The following CFAP418 variants were observed in gnomAD, a reference collection of about 807,000 sequenced individuals.
CFAP418 encodes cilia and flagella associated protein 418, also known as cilia- and flagella-associated protein 418.
CFAP418 carries 27 observed loss-of-function variants against 24.7 expected under a neutral mutation model. That is an observed-to-expected ratio of 1.09 (90% CI 0.81 to 1.51). The LOEUF is 1.51. Ranked by LOEUF, CFAP418 falls within the 40% of genes most tolerant of loss-of-function variation. The probability of loss-of-function intolerance (pLI) is 0.00; values close to 1 mark genes in which losing one functional copy is unlikely to be tolerated. For missense variants in CFAP418, 257 were observed against 255.2 expected, an observed-to-expected ratio of 1.01 and a Z score of -0.05; for synonymous variants, 74 against 87.3, an observed-to-expected ratio of 0.85 and a Z score of 0.85.
chr8:95,251,942 T>C (rs1563470611), intron 5 of CFAP418, among the ~76,000 whole-genome samples: 1 of 152,158 alleles, frequency 6.6e-6, no homozygotes, highest in Non-Finnish European at 1.5e-5. Flanking sequence ...TGCAGTATAA[T>C]ATTACAAAGG....
At position 95,247,747 on chromosome 8, in the gene CFAP418, T is replaced by C. The variant is rs1050374683; in HGVS notation, c.494A>G (p.Lys165Arg). 5.0e-6 allele frequency: 8 copies of C among 1,612,398 alleles called. No homozygotes were observed. Among genetic ancestry groups the C allele is most frequent in the Non-Finnish European group, 6.8e-6 (8 of 1,178,858 alleles). ...CTTCTTTATCAACTTTGCTTTTAAT[T>C]TGTGAAATTCTGGCATGTTGTTCCT... ...FFRNNMPEFH[K>R]LKAKLIKKKG... The change falls in exon 6 of 6, where the codon AAA (lysine) becomes AGA (arginine). Residue 165 changes from lysine to arginine, a missense_variant. Lys to Arg is a conservative substitution (Grantham distance 26, BLOSUM62 2). Coordinates refer to ENST00000286688, the MANE Select transcript of CFAP418 (RefSeq NM_177965.4).
chr8:95,265,085 C>A (rs900314762), intron 1 of CFAP418, among the ~76,000 whole-genome samples: 5 of 152,110 alleles, frequency 3.3e-5, no homozygotes, highest in African/African-American at 1.2e-4. Flanking sequence ...GTTTCTCAGC[C>A]TTGGAATTAT....
chr8:95,252,815 G>A (rs1811729352), intron 4 of CFAP418, among the ~76,000 whole-genome samples: 1 of 152,218 alleles, frequency 6.6e-6, no homozygotes, highest in Non-Finnish European at 1.5e-5. Flanking sequence ...AGTCTGGTAT[G>A]TGCTAATGAG....
intron 4 of CFAP418, among the ~76,000 whole-genome samples, chr8:95,259,614 C>G (rs1018019816): frequency 6.6e-6 from 1 of 152,012 alleles, no homozygotes; most frequent in Non-Finnish European, 1.5e-5. Flanking sequence ...CCAGGCATTT[C>G]AAGTGGGGCT....
intron 1 of CFAP418, among the ~76,000 whole-genome samples, chr8:95,265,443 G>A (rs994050523): frequency 6.6e-6 from 1 of 151,960 alleles, no homozygotes; most frequent in Non-Finnish European, 1.5e-5. Flanking sequence ...CTCTTCTCTC[G>A]AAGGTTTCCA....
At chr8:95,256,593 C>T (rs1381400848) in intron 4 of CFAP418, among the ~76,000 whole-genome samples, 3 of 152,224 alleles carry the variant, frequency 2.0e-5, no homozygotes, top group African/African-American at 7.2e-5. Flanking sequence ...GTCATCAGAG[C>T]CCTTCCATTT....
chr8:95,266,793 AT>A (rs1563475305), intron 1 of CFAP418, among the ~76,000 whole-genome samples: 1 of 152,254 alleles, frequency 6.6e-6, no homozygotes, highest in Non-Finnish European at 1.5e-5. Flanking sequence ...TACTAAAAAA[AT>A]CTAATGTATT....
At chr8:95,250,770 C>T (rs771484895) in intron 5 of CFAP418, among the ~76,000 whole-genome samples, 2 of 152,110 alleles carry the variant, frequency 1.3e-5, no homozygotes, top group Non-Finnish European at 2.9e-5. Context: ...TAAAATTTTT[C>T]AAGTTATAAT....
chr8:95,255,706 G>T (rs1263355372), intron 4 of CFAP418, among the ~76,000 whole-genome samples: 3 of 152,172 alleles, frequency 2.0e-5, no homozygotes, highest in Admixed American at 6.5e-5. Flanking sequence ...TGTGTTTGAT[G>T]AATTTAACAC....
chr8:95,257,317 A>G (rs1021035835), intron 4 of CFAP418, among the ~76,000 whole-genome samples: 1 of 152,214 alleles, frequency 6.6e-6, no homozygotes, highest in African/African-American at 2.4e-5. Flanking sequence ...TGGTGATTCA[A>G]TTACTATTAA....
intron 2 of CFAP418, among the ~76,000 whole-genome samples, chr8:95,262,015 G>T (rs1015183588): frequency 1.6e-4 from 25 of 152,354 alleles, no homozygotes; most frequent in African/African-American, 6.0e-4. Context: ...CAGGGTACAG[G>T]TGACCCTTGA....
At chr8:95,265,870 GT>G (rs1811970079) in intron 1 of CFAP418, among the ~76,000 whole-genome samples, 1 of 152,146 alleles carries the variant, frequency 6.6e-6, no homozygotes, top group Non-Finnish European at 1.5e-5. Flanking sequence ...GTCTTTTGAT[GT>G]GACAATAATC....
chr8:95,248,100 C>G (rs1271982349), intron 5 of CFAP418, among the ~76,000 whole-genome samples: 1 of 152,090 alleles, frequency 6.6e-6, no homozygotes, highest in Non-Finnish European at 1.5e-5. Flanking sequence ...CCTCAGCCTC[C>G]CAAAGTGCTG....
chr8:95,253,684 T>A lies in CFAP418; in HGVS notation c.375-1401A>T, dbSNP rs149872918. Among the ~76,000 whole-genome samples, 16 of 152,366 alleles carry A rather than the reference T, an allele frequency of 1.1e-4. 1 individual carries two copies. In the East Asian group the frequency reaches 3.1e-3, roughly 29 times the overall value. On this transcript the variant is annotated intron_variant, in intron 4 of 5. Coordinates refer to ENST00000286688, the MANE Select transcript of CFAP418 (RefSeq NM_177965.4). ...CAAGTCCATATTTTCTTTCAAACTG[T>A]TAGCAATTTATGAAGTTGCATTTCT...
At chr8:95,252,038 G>A (rs542279697) in intron 5 of CFAP418, 150 bp downstream of exon 5, 21 of 584,222 alleles carry the variant, frequency 3.6e-5, no homozygotes, top group Middle Eastern at 3.1e-4. Context: ...GCAGTCCATC[G>A]TTGACTGAAG....
intron 5 of CFAP418, among the ~76,000 whole-genome samples, chr8:95,249,873 G>T (rs554039637): frequency 6.6e-6 from 1 of 152,190 alleles, no homozygotes; most frequent in East Asian, 1.9e-4. Context: ...AAACCAGGTC[G>T]CCAGGTATGA....
chr8:95,247,850 C>T (rs1811648310), intron 5 of CFAP418, 80 bp from the exon 6 acceptor site: 4 of 1,294,746 alleles, frequency 3.1e-6, no homozygotes, highest in Non-Finnish European at 3.2e-6. Flanking sequence ...AAGGTCATTG[C>T]TTTCTTTTCT....
chr8:95,255,422 A>C (rs929922825), intron 4 of CFAP418, among the ~76,000 whole-genome samples: 1 of 151,592 alleles, frequency 6.6e-6, no homozygotes, highest in Admixed American at 6.6e-5. Flanking sequence ...TCTAACTCCT[A>C]CTCATTTTTC....
chr8:95,248,598 A>G (rs1031061588), intron 5 of CFAP418, among the ~76,000 whole-genome samples: 3 of 152,240 alleles, frequency 2.0e-5, no homozygotes, highest in Non-Finnish European at 4.4e-5. Flanking sequence ...TAAATCAACA[A>G]GTAGGGCCAT....
Sources: gnomAD v4.1 joint callset for allele counts (sites outside exome capture counted in the v4.1 genomes callset) on GRCh38, gnomAD v4.1.1 for gene constraint, MANE v1.5 for transcripts, NCBI Gene and HGNC (gene_info 2026-07-23, HGNC 2026-07-21) for gene names.